The following CREB5 variants were observed in gnomAD, a reference collection of about 807,000 sequenced individuals.
The protein encoded by CREB5 is cAMP responsive element binding protein 5.
A neutral mutation model predicts 57.1 loss-of-function variants in CREB5; 19 were observed. The observed-to-expected ratio is 0.33, with a 90% CI of 0.23 to 0.49. CREB5 has a LOEUF of 0.49. CREB5 is among the 20% of genes least tolerant of loss of function. The pLI is 0.99. For synonymous variants in CREB5, 238 were observed against 238.3 expected (o/e 1.00, Z 0.01); for missense variants, 579 against 671.6 (o/e 0.86, Z 1.52).
chr7:28,685,908 G>T lies in CREB5; in HGVS notation c.465-32845G>T, dbSNP rs1800871662. The T allele has an allele frequency of 6.9e-6, 3 of 435,076 alleles. No homozygotes were observed. The South Asian group carries it at 1.5e-4, about 21-fold the overall frequency. The allele number at this position is 435,076 out of a possible 1,614,324, so 27.0% of individuals were successfully genotyped here. A position where few individuals can be genotyped will look rare whatever the true frequency, so the allele number is the denominator to read the frequency against. ...ACATTGAAGTTTTTGCTTCAGTTCTGCCAGATTTAAGTGGTGACTTCACTA... is the reference window on the plus strand; with the variant it reads ...ACATTGAAGTTTTTGCTTCAGTTCTTCCAGATTTAAGTGGTGACTTCACTA... On this transcript the variant is annotated intron_variant, in intron 5 of 10. Transcript: ENST00000357727.
chr7:28,618,254 G>T (rs1583427179), intron 5 of CREB5, among the ~76,000 whole-genome samples: 1 of 151,732 alleles, frequency 6.6e-6, no homozygotes, highest in Non-Finnish European at 1.5e-5. Context: ...AGAACTTGGT[G>T]TCCCTGTGTG....
intron 1 of CREB5, among the ~76,000 whole-genome samples, chr7:28,311,467 G>T (rs1003479373): frequency 6.6e-6 from 1 of 152,164 alleles, no homozygotes; most frequent in Non-Finnish European, 1.5e-5. Flanking sequence ...CCCTCTTCCC[G>T]TGGAACATTG....
intron 1 of CREB5, among the ~76,000 whole-genome samples, chr7:28,313,841 C>A (rs1429023597): frequency 6.6e-6 from 1 of 152,186 alleles, no homozygotes; most frequent in East Asian, 1.9e-4. Flanking sequence ...AGACATATAT[C>A]TGAAAGTTTC....
intron 5 of CREB5, among the ~76,000 whole-genome samples, chr7:28,702,608 T>G (rs1281635051): frequency 2.0e-5 from 3 of 152,208 alleles, no homozygotes; most frequent in Non-Finnish European, 4.4e-5. Context: ...TTCCCAATGG[T>G]GAAAGGAAAC....
chr7:28,813,806 A>G (rs1809266006), intron 9 of CREB5, among the ~76,000 whole-genome samples: 1 of 152,242 alleles, frequency 6.6e-6, no homozygotes, highest in African/African-American at 2.4e-5. Context: ...GTTTAAAAAT[A>G]GATCAGTCCA....
At chr7:28,518,047 T>A (rs1005249003) in intron 4 of CREB5, among the ~76,000 whole-genome samples, 1 of 152,114 alleles carries the variant, frequency 6.6e-6, no homozygotes, top group Non-Finnish European at 1.5e-5. Flanking sequence ...TTCCCTTCAT[T>A]GTCTGGTGCT....
At chr7:28,479,822 C>T (rs904527484) in intron 1 of CREB5, among the ~76,000 whole-genome samples, 5 of 152,328 alleles carry the variant, frequency 3.3e-5, no homozygotes, top group Non-Finnish European at 7.3e-5. Flanking sequence ...GAAATAGTCT[C>T]TTCCTGGTTT....
chr7:28,669,555 G>A (rs577954503), intron 5 of CREB5, among the ~76,000 whole-genome samples: 5 of 152,296 alleles, frequency 3.3e-5, no homozygotes, highest in African/African-American at 9.6e-5. Context: ...CATACAGGAA[G>A]GCTCTGCTCT....
In CREB5 at chr7:28,692,013, CA is replaced by C. The variant is rs10660459; in HGVS notation, c.465-26724del. On this transcript the variant is annotated intron_variant, in intron 5 of 10. Transcript: ENST00000357727. ...GTGAAACCCCCTCTCTACTAAAATA[CA>C]AAAAAAAAAAAAAAACAACAAATTA... Among the ~76,000 whole-genome samples, 683 of 102,810 alleles carry C rather than the reference CA, an allele frequency of 6.6e-3. 1 individual carries two copies. Among genetic ancestry groups the C allele is most frequent in the African/African-American group, 0.014 (428 of 30,502 alleles). 67.4% of individuals were successfully genotyped at this position (102,810 alleles called of 152,430 possible). A position where few individuals can be genotyped will look rare whatever the true frequency, so the allele number is the denominator to read the frequency against.
intron 5 of CREB5, among the ~76,000 whole-genome samples, chr7:28,660,192 C>T (rs1261407682): frequency 3.3e-5 from 5 of 152,110 alleles, no homozygotes; most frequent in East Asian, 1.9e-4. Context: ...ACAAAGACAA[C>T]ATTCTATAAG....
rs549809969 is a variant in CREB5 at position 28,483,624 on chromosome 7, C to A, written c.4-4551C>A. On this transcript the variant is annotated intron_variant, in intron 1 of 10. Coordinates refer to ENST00000357727, the MANE Select transcript of CREB5 (RefSeq NM_182898.4). ...TGCCACAATTATGACAGTGTCTAAC[C>A]AAAGGTATCGGACTACTCAGAGTCT... Among the ~76,000 whole-genome samples the A allele has an allele frequency of 3.3e-5, 5 of 152,188 alleles. No individual in the cohort carries two copies. In the East Asian group the frequency reaches 9.7e-4, roughly 29 times the overall value.
At chr7:28,738,403 A>G (rs1371501758) in intron 7 of CREB5, among the ~76,000 whole-genome samples, 1 of 152,214 alleles carries the variant, frequency 6.6e-6, no homozygotes, top group Non-Finnish European at 1.5e-5. Flanking sequence ...TCTCGAGGAC[A>G]TGGTTCAGTA....
intron 5 of CREB5, among the ~76,000 whole-genome samples, chr7:28,668,703 T>C (rs1443974152): frequency 6.6e-6 from 1 of 152,134 alleles, no homozygotes; most frequent in East Asian, 1.9e-4. Context: ...ACGGGGAGTA[T>C]TTTAGGTAGG....
intron 1 of CREB5, among the ~76,000 whole-genome samples, chr7:28,349,724 T>G (rs921801654): frequency 4.6e-5 from 7 of 152,192 alleles, no homozygotes; most frequent in Admixed American, 4.6e-4. Context: ...CAGGAGAGGA[T>G]GTACAACTGG....
intron 4 of CREB5, among the ~76,000 whole-genome samples, chr7:28,536,414 G>A (rs1020537378): frequency 3.3e-5 from 5 of 152,152 alleles, no homozygotes; most frequent in African/African-American, 7.2e-5. Context: ...CAACTGCAGC[G>A]CTCCCTTCCA....
chr7:28,648,592 AT>A (rs1393696660), intron 5 of CREB5, among the ~76,000 whole-genome samples: 1 of 152,078 alleles, frequency 6.6e-6, no homozygotes, highest in African/African-American at 2.4e-5. Flanking sequence ...AAATAAAAAA[AT>A]TAGCTGGGCT....
At position 28,763,721 on chromosome 7, in the gene CREB5, T is replaced by C. The variant is rs1232344563; in HGVS notation, c.702+39389T>C. Among the ~76,000 whole-genome samples the C allele has an allele frequency of 3.3e-5, 5 of 152,272 alleles. No individual in the cohort carries two copies. In the Middle Eastern group the frequency reaches 0.017, roughly 518 times the overall value. Reference sequence around the variant, plus strand: ...TTTGGTGATTTATAACAGATATTTTTCCATTAGCAAAGTTTCCTTACTTTT... The same window carrying C: ...TTTGGTGATTTATAACAGATATTTTCCCATTAGCAAAGTTTCCTTACTTTT... On this transcript the variant is annotated intron_variant, in intron 7 of 10. Coordinates refer to ENST00000357727, the MANE Select transcript of CREB5 (RefSeq NM_182898.4).
intron 1 of CREB5, among the ~76,000 whole-genome samples, chr7:28,307,684 C>T (rs561723892): frequency 6.6e-6 from 1 of 152,344 alleles, no homozygotes; most frequent in Admixed American, 6.5e-5. Flanking sequence ...CCTGTCATCT[C>T]TAGATTTATT....
Position 28,720,808 on chromosome 7 carries a change from A to C in CREB5, c.591+1929A>C, listed in dbSNP as rs541652044. On this transcript the variant is annotated intron_variant, in intron 6 of 10. Coordinates refer to ENST00000357727, the MANE Select transcript of CREB5 (RefSeq NM_182898.4). ...CACAAGCTGTCTTCTTTTAGGCTTT[A>C]AGTTGTTCCCATCCAAAAATTATTA... is the stretch of plus-strand genomic sequence containing the variant. 3.9e-5 allele frequency among the ~76,000 whole-genome samples: 6 copies of C among 152,280 alleles called. No individual in the cohort carries two copies. The South Asian group carries it at 1.0e-3, about 26-fold the overall frequency.
Sources: allele counts gnomAD v4.1 joint callset (sites outside exome capture counted in the v4.1 genomes callset), GRCh38; gene constraint gnomAD v4.1.1; transcripts MANE v1.5; gene names NCBI Gene and HGNC (gene_info 2026-07-23, HGNC 2026-07-21).